Variants in GLIPR1 observed in about 807,000 individuals in gnomAD.
The protein encoded by GLIPR1 is GLI pathogenesis related 1.
Under a neutral mutation model 30.3 loss-of-function variants are expected in GLIPR1, and 38 were observed. The observed-to-expected ratio is 1.26, with a 90% CI of 0.97 to 1.65. GLIPR1 has a LOEUF of 1.65. Among genes scored for constraint, GLIPR1 ranks in the 40% most tolerant of loss-of-function variants. The pLI, the probability that GLIPR1 is intolerant of heterozygous loss-of-function variation, is 0.00. For missense variants in GLIPR1, 285 were observed against 326.5 expected (o/e 0.87, Z 0.98); for synonymous variants, 122 against 110.6 (o/e 1.10, Z -0.65).
rs371647555 is a variant in GLIPR1, at chr12:75,485,159, G to T, written c.420+3080G>T. On this transcript the variant is annotated intron_variant, in intron 2 of 5. Coordinates refer to ENST00000266659, the MANE Select transcript of GLIPR1 (RefSeq NM_006851.3). Reference sequence around the variant, plus strand: ...TATCCTCATCTTCTCTTCAAAAATCGAGCTATTTGCAGATTTTGGCTGATG... The same window carrying T: ...TATCCTCATCTTCTCTTCAAAAATCTAGCTATTTGCAGATTTTGGCTGATG... 1.6e-3 allele frequency among the ~76,000 whole-genome samples: 239 copies of T among 152,188 alleles called. 1 individual carries two copies. The highest frequency in any genetic ancestry group is 5.4e-3 in the African/African-American group (224 of 41,524).
In GLIPR1 at chr12:75,490,562, C is replaced by CAA. The variant is rs771557470; in HGVS notation, c.533+44_533+45insAA. ...CGGTTTATAGGAAACGCCCCCCCCCCCCCGCAAAAAAAAACAACAACAAAA... is the reference window on the plus strand; with the variant it reads ...CGGTTTATAGGAAACGCCCCCCCCCCAACCCGCAAAAAAAAACAACAACAAAA... On this transcript the variant is annotated intron_variant, in intron 3 of 5. Transcript: ENST00000266659. The CAA allele has an allele frequency of 9.7e-6, 2 of 206,110 alleles. 1 individual carries two copies. Among genetic ancestry groups the CAA allele is most frequent in the Non-Finnish European group, 1.5e-5 (2 of 133,636 alleles). 12.8% of individuals were successfully genotyped at this position (206,110 alleles called of 1,614,324 possible).
chr12:75,495,628 C>A lies in GLIPR1; in HGVS notation c.585C>A (p.Cys195Ter), dbSNP rs1252234769. Residue 195 changes from cysteine to a stop codon, truncating the protein, a stop_gained, in exon 4 of 6, where the codon TGC (cysteine) becomes TGA (stop). Coordinates refer to ENST00000266659, the MANE Select transcript of GLIPR1 (RefSeq NM_006851.3). LOFTEE classifies it high-confidence loss of function. ...PYKRGATCSA[C>*]PNNDKCLDNL... ...AGAGAGGAGCCACCTGCAGTGCCTG[C>A]CCCAATAATGACAAGTGTTTGGACA... 5 of 1,610,226 alleles carry A rather than the reference C, an allele frequency of 3.1e-6. No homozygotes were observed. The African/African-American group carries it at 5.3e-5, about 17-fold the overall frequency.
chr12:75,503,791 C>CT lies in GLIPR1; in HGVS notation c.*4813_*4814insT. The stretch of plus-strand genomic sequence containing the variant: ...AGTTTCTTATAGCTCTGCACACACA[C>CT]ACACAATATATATATATACACATAT... On this transcript the variant is annotated 3_prime_UTR_variant, in exon 6 of 6. Coordinates refer to ENST00000266659, the MANE Select transcript of GLIPR1 (RefSeq NM_006851.3). 1.0e-6 allele frequency: 1 copy of CT among 959,640 alleles called. No homozygotes were observed. Among genetic ancestry groups the CT allele is most frequent in the South Asian group, 2.0e-5 (1 of 49,518 alleles). 59.4% of individuals were successfully genotyped at this position (959,640 alleles called of 1,614,324 possible). A position where few individuals can be genotyped will look rare whatever the true frequency, so the allele number is the denominator to read the frequency against.
At chr12:75,486,355 A>C (rs2046294037) in intron 2 of GLIPR1, among the ~76,000 whole-genome samples, 1 of 152,218 alleles carries the variant, frequency 6.6e-6, no homozygotes, top group African/African-American at 2.4e-5. Context: ...TTTAAGCCTA[A>C]GAAACTTAGT....
At chr12:75,489,955 A>G (rs1251819515) in intron 2 of GLIPR1, 1 of 155,878 alleles carries the variant, frequency 6.4e-6, no homozygotes, top group East Asian at 1.9e-4. Flanking sequence ...CCAATCTATA[A>G]TGCCAAGCAA....
At chr12:75,481,701 A>T in intron 1 of GLIPR1, 133 bp from the exon 2 acceptor site, 1 of 751,590 alleles carries the variant, frequency 1.3e-6, no homozygotes, top group East Asian at 2.5e-5. Flanking sequence ...CTTGAAGACC[A>T]TATTTATAGA....
At position 75,481,220 on chromosome 12, in the gene GLIPR1, T is replaced by C. The variant is rs1350898966; in HGVS notation, c.174+166T>C. ...TCAAAACACATCCAGTTTAGCTCTG[T>C]CTACCCAACTGTTGTTATAAGCAAG... is the stretch of plus-strand genomic sequence containing the variant. On this transcript the variant is annotated intron_variant, in intron 1 of 5. Coordinates refer to ENST00000266659, the MANE Select transcript of GLIPR1 (RefSeq NM_006851.3). The C allele has an allele frequency of 1.4e-5, 7 of 494,216 alleles. No individual in the cohort carries two copies. In the Admixed American group the frequency reaches 1.5e-4, roughly 11 times the overall value. 30.6% of individuals were successfully genotyped at this position (494,216 alleles called of 1,614,324 possible).
intron 2 of GLIPR1, among the ~76,000 whole-genome samples, 198 bp downstream of exon 2, chr12:75,482,277 G>A (rs528984307): frequency 6.6e-6 from 1 of 152,282 alleles, no homozygotes; most frequent in East Asian, 1.9e-4. Flanking sequence ...GGTAATATGT[G>A]AGGCCCACCA....
Position 75,502,063 on chromosome 12 carries a change from C to T in GLIPR1, c.*3085C>T. ...TGTAGAGGAGAAGTCATGTCCTAAG[C>T]AAGTCACAATATCCTTAGGGTAAAA... On this transcript the variant is annotated 3_prime_UTR_variant, in exon 6 of 6. Transcript: ENST00000266659. The T allele has an allele frequency of 7.6e-7, 1 of 1,319,378 alleles. No individual in the cohort carries two copies. Among genetic ancestry groups the T allele is most frequent in the Admixed American group, 1.8e-5 (1 of 56,804 alleles). The allele number at this position is 1,319,378 out of a possible 1,614,324, so 81.7% of individuals were successfully genotyped here.
At position 75,500,469 on chromosome 12, in the gene GLIPR1, A is replaced by T. The variant is rs1352906427; in HGVS notation, c.*1491A>T. 2 of 143,136 alleles carry T rather than the reference A, an allele frequency of 1.4e-5. No homozygotes were observed. The highest frequency in any genetic ancestry group is 3.1e-5 in the Non-Finnish European group (2 of 64,066). The allele number at this position is 143,136 out of a possible 1,614,324, so 8.9% of individuals were successfully genotyped here. ...TTTAAAGTTTTCCAAATATTAATTC[A>T]ATATTAATTGAATATTCAATGAATT... On this transcript the variant is annotated 3_prime_UTR_variant, in exon 6 of 6. Coordinates refer to ENST00000266659, the MANE Select transcript of GLIPR1 (RefSeq NM_006851.3).
In GLIPR1 at chr12:75,499,199, T is replaced by TAGTA. The variant is rs1218692079; in HGVS notation, c.*227_*230dup. 1 of 375,858 alleles carries TAGTA rather than the reference T, an allele frequency of 2.7e-6. No homozygotes were observed. Among genetic ancestry groups the TAGTA allele is most frequent in the African/African-American group, 2.1e-5 (1 of 47,628 alleles). 23.3% of individuals were successfully genotyped at this position (375,858 alleles called of 1,614,324 possible). On this transcript the variant is annotated 3_prime_UTR_variant, in exon 6 of 6. Transcript: ENST00000266659. ...TTGCAGGTTGCCACAGGTGGACTTT[T>TAGTA]AGTAAGTAACCTAACCCATGTTTCA...
chr12:75,499,105 C>T lies in GLIPR1; in HGVS notation c.*127C>T, dbSNP rs1169202672. 13 of 518,654 alleles carry T rather than the reference C, an allele frequency of 2.5e-5. No individual in the cohort carries two copies. Among genetic ancestry groups the T allele is most frequent in the Non-Finnish European group, 1.3e-5 (4 of 308,392 alleles). 32.1% of individuals were successfully genotyped at this position (518,654 alleles called of 1,614,324 possible). A position where few individuals can be genotyped will look rare whatever the true frequency, so the allele number is the denominator to read the frequency against. ...GAAAAAAATATATGTTATAGCAATACTCTTACTCAAAAGAAGAAATTTCCT... is the reference window on the plus strand; with the variant it reads ...GAAAAAAATATATGTTATAGCAATATTCTTACTCAAAAGAAGAAATTTCCT... On this transcript the variant is annotated 3_prime_UTR_variant, in exon 6 of 6. Transcript: ENST00000266659.
chr12:75,481,281 C>T (rs1483805468), intron 1 of GLIPR1: 1 of 368,824 alleles, frequency 2.7e-6, no homozygotes, highest in East Asian at 4.1e-5. Flanking sequence ...TGGACACTTC[C>T]TGTTTTCTGG....
chr12:75,483,735 T>G (rs1403350688), intron 2 of GLIPR1: 1 of 152,176 alleles, frequency 6.6e-6, no homozygotes, highest in African/African-American at 2.4e-5. Flanking sequence ...ACATGTGAAT[T>G]GGTACTTGAA....
In GLIPR1 at chr12:75,490,388, A is replaced by G. The variant is rs776780968; in HGVS notation, c.421-18A>G. ...ATCTTATGGTTTTTCTCTGTTAAAAATCCTTATTTCCTTTCAGGTTGTTTG... is the reference window on the plus strand; with the variant it reads ...ATCTTATGGTTTTTCTCTGTTAAAAGTCCTTATTTCCTTTCAGGTTGTTTG... On this transcript the variant is annotated intron_variant, in intron 2 of 5. Transcript: ENST00000266659. 8.0e-6 allele frequency: 11 copies of G among 1,371,632 alleles called. No individual in the cohort carries two copies. Among genetic ancestry groups the G allele is most frequent in the Middle Eastern group, 1.8e-4 (1 of 5,584 alleles). The allele number at this position is 1,371,632 out of a possible 1,614,324, so 85.0% of individuals were successfully genotyped here.
intron 1 of GLIPR1, 26 bp downstream of exon 1, chr12:75,481,080 CGTCA>C (rs769452154): frequency 1.7e-5 from 26 of 1,567,148 alleles, no homozygotes; most frequent in African/African-American, 2.7e-5. Context: ...TTAATTGTGG[CGTCA>C]GTCAGTCAGA....
At chr12:75,489,337 G>A (rs2046309246) in intron 2 of GLIPR1, among the ~76,000 whole-genome samples, 1 of 152,066 alleles carries the variant, frequency 6.6e-6, no homozygotes, top group Non-Finnish European at 1.5e-5. Context: ...TGTTTTGCAG[G>A]CTGGTTTTGT....
intron 3 of GLIPR1, chr12:75,490,877 T>A (rs2120532792): frequency 6.4e-6 from 1 of 157,472 alleles, no homozygotes; most frequent in African/African-American, 2.4e-5. Context: ...ATTTATTGGT[T>A]TATTAGAAAC....
intron 2 of GLIPR1, chr12:75,484,479 T>C (rs886869594): frequency 2.6e-5 from 4 of 152,204 alleles, no homozygotes; most frequent in Non-Finnish European, 4.4e-5. Flanking sequence ...AGATATTAGA[T>C]ATGTTGGAAG....
Sources: gnomAD v4.1 joint callset for allele counts (sites outside exome capture counted in the v4.1 genomes callset) on GRCh38, gnomAD v4.1.1 for gene constraint, MANE v1.5 for transcripts, NCBI Gene and HGNC (gene_info 2026-07-23, HGNC 2026-07-21) for gene names.